Variants in RANGAP1 observed in about 807,000 individuals in gnomAD.
RANGAP1 encodes the protein Ran GTPase activating protein 1, also known as ran GTPase-activating protein 1.
RANGAP1 carries 38 observed loss-of-function variants against 63.5 expected under a neutral mutation model. The ratio of observed to expected loss-of-function variants is 0.60; its 90% CI spans 0.46 to 0.78. RANGAP1 has a LOEUF of 0.78. Ranked by LOEUF, RANGAP1 falls within the 30% of genes least tolerant of loss-of-function variation. The pLI is 0.00. For missense variants in RANGAP1, 630 were observed against 740.3 expected (o/e 0.85, Z 1.73); for synonymous variants, 329 against 310.5 (o/e 1.06, Z -0.63).
At position 41,280,850 on chromosome 22, in the gene RANGAP1, G is replaced by T. The variant is rs1010684650; in HGVS notation, c.112+83C>A. 6 of 1,588,898 alleles carry T rather than the reference G, an allele frequency of 3.8e-6. No homozygotes were observed. In the African/African-American group the frequency reaches 5.4e-5, roughly 14 times the overall value. On this transcript the variant is annotated intron_variant, in intron 2 of 15. Transcript: ENST00000356244. Reference sequence around the variant, plus strand: ...GACAAATAATGGAGACAATGTAGCAGAAAGAGCCTGACAACCAGTAAGAGT... The same window carrying T: ...GACAAATAATGGAGACAATGTAGCATAAAGAGCCTGACAACCAGTAAGAGT...
At chr22:41,254,758 G>T (rs1375830316) in intron 10 of RANGAP1, 9 of 508,128 alleles carry the variant, frequency 1.8e-5, no homozygotes, top group African/African-American at 2.1e-5. Context: ...GGATCATGAG[G>T]TCAGGAGATC....
rs761024189 is a variant in RANGAP1 at position 41,251,102 on chromosome 22, G to T, written c.1388C>A (p.Thr463Lys). 1 of 1,613,520 alleles carries T rather than the reference G, an allele frequency of 6.2e-7. No individual in the cohort carries two copies. Among genetic ancestry groups the T allele is most frequent in the Admixed American group, 1.7e-5 (1 of 59,928 alleles). Residue 463 changes from threonine to lysine, a missense_variant, in exon 13 of 16, where the codon ACG (threonine) becomes AAG (lysine). Physicochemically the swap from Thr to Lys is moderately conservative, Grantham distance 78 (BLOSUM62 -1). This residue lies in a region of RANGAP1 where 428 missense variants were observed against 465.5 expected (regional missense o/e 0.92). Transcript: ENST00000356244. ...AGAGACCACCTTCTCGGGGTCAGAC[G>T]TGTCAGTCTGAGGACAAAAGAGACA... ...SSVLIAQQTDTSDPEKVVSAF... is the reference protein window; with the variant it reads ...SSVLIAQQTDKSDPEKVVSAF...
intron 3 of RANGAP1, among the ~76,000 whole-genome samples, chr22:41,269,683 G>A (rs2034681147): frequency 6.7e-6 from 1 of 150,276 alleles, no homozygotes; most frequent in Non-Finnish European, 1.5e-5. Context: ...CAGAGGTTGT[G>A]CTGAGCTGAA....
At chr22:41,275,598 G>C (rs1823327744) in intron 2 of RANGAP1, among the ~76,000 whole-genome samples, 1 of 151,826 alleles carries the variant, frequency 6.6e-6, no homozygotes, top group African/African-American at 2.4e-5. Flanking sequence ...GACCAATATA[G>C]TGAAACCCCA....
chr22:41,250,178 T>C (rs954278753), intron 13 of RANGAP1, among the ~76,000 whole-genome samples: 16 of 152,212 alleles, frequency 1.1e-4, no homozygotes, highest in African/African-American at 3.9e-4. Flanking sequence ...GGTGAGGGGA[T>C]GTGCAGGGAC....
chr22:41,252,963 G>T lies in RANGAP1; in HGVS notation c.1289C>A (p.Pro430His). 1 of 1,538,416 alleles carries T rather than the reference G, an allele frequency of 6.5e-7. No individual in the cohort carries two copies. Among genetic ancestry groups the T allele is most frequent in the Non-Finnish European group, 8.7e-7 (1 of 1,145,668 alleles). ...GEPAPVLSSP[P>H]PADVSTFLAF... ...CAGGAAGGTGGAGACGTCTGCAGGA[G>T]GTGGGGAGGACAGCACGGGAGCTGG... The change falls in exon 12 of 16, where the codon CCT becomes CAT. Residue 430 changes from proline (P) to histidine (H), a missense_variant. Pro to His is a moderately conservative substitution (Grantham distance 77). Coordinates refer to ENST00000356244, the MANE Select transcript of RANGAP1 (RefSeq NM_002883.4).
Position 41,256,222 on chromosome 22 carries a change from G to A in RANGAP1, c.957C>T (p.Asp319=). The change falls in exon 9 of 16, where the codon GAC becomes GAT. Residue 319 remains aspartate (D), a synonymous_variant. Coordinates refer to ENST00000356244, the MANE Select transcript of RANGAP1 (RefSeq NM_002883.4). ...AALAVAEAMA[D]KAELEKLDLN... is the part of the protein sequence containing the mutation. ...GGTCCAGCTTCTCCAGCTCAGCTTT[G>A]TCTGCCATGGCCTCAGCAACAGCCA... is the stretch of plus-strand genomic sequence containing the variant. 1 of 1,614,124 alleles carries A rather than the reference G, an allele frequency of 6.2e-7. No homozygotes were observed. The highest frequency in any genetic ancestry group is 8.5e-7 in the Non-Finnish European group (1 of 1,180,018).
chr22:41,280,052 T>C (rs2035403781), intron 2 of RANGAP1, among the ~76,000 whole-genome samples: 1 of 151,822 alleles, frequency 6.6e-6, no homozygotes, highest in Admixed American at 6.6e-5. Flanking sequence ...TGAGCTGAGA[T>C]CGTGCCACTG....
rs2229755 is a variant in RANGAP1 at position 41,254,367 on chromosome 22, G to C, written c.1201C>G (p.Arg401Gly). Reference protein sequence around the residue: ...EEEEEEEPQQRGQGEKSATPS... With the variant: ...EEEEEEEPQQGGQGEKSATPS... ...GTGGCTGACTTCTCTCCCTGCCCTCGCTGCTGAGGCTCTTCTTCCTCCTCC... is the reference window on the plus strand; with the variant it reads ...GTGGCTGACTTCTCTCCCTGCCCTCCCTGCTGAGGCTCTTCTTCCTCCTCC... The change falls in exon 11 of 16, where the codon CGA becomes GGA. Residue 401 changes from arginine (R) to glycine (G), a missense_variant. By Grantham distance (125) the Arg-to-Gly change is moderately radical. Coordinates refer to ENST00000356244, the MANE Select transcript of RANGAP1 (RefSeq NM_002883.4). The C allele has an allele frequency of 2.8e-3, 4,536 of 1,613,920 alleles. 109 individuals carry two copies. The African/African-American group carries it at 0.052, about 19-fold the overall frequency.
rs541248133 is a variant in RANGAP1 at position 41,249,557 on chromosome 22, C to A, written c.1573-106G>T. The A allele has an allele frequency of 4.5e-6, 7 of 1,565,062 alleles. No homozygotes were observed. The East Asian group carries it at 1.4e-4, about 31-fold the overall frequency. ...TGATAGTGCCCACAACTGAGTCTAG[C>A]CGGAATCTCATCGTGAAGACCAAGG... On this transcript the variant is annotated intron_variant, in intron 14 of 15. Coordinates refer to ENST00000356244, the MANE Select transcript of RANGAP1 (RefSeq NM_002883.4).
intron 3 of RANGAP1, among the ~76,000 whole-genome samples, chr22:41,270,357 CT>C (rs1161477065): frequency 2.6e-5 from 4 of 152,176 alleles, no homozygotes; most frequent in African/African-American, 9.7e-5. Context: ...GTTGGCCAGG[CT>C]GGTCTTGAAC....
intron 15 of RANGAP1, among the ~76,000 whole-genome samples, chr22:41,248,198 T>C (rs1276576924): frequency 1.3e-4 from 2 of 15,948 alleles, no homozygotes; most frequent in African/African-American, 4.8e-4. Context: ...TGGGGTGGGG[T>C]GGGGTCGGGG....
the RANGAP1 span, among the ~76,000 whole-genome samples, chr22:41,300,338 G>A: frequency 4.0e-5 from 6 of 149,764 alleles, no homozygotes; most frequent in Non-Finnish European, 1.5e-5. Context: ...CATCCTCATC[G>A]ATGAAATGAG....
At chr22:41,291,267 A>T in the RANGAP1 span, among the ~76,000 whole-genome samples, 1 of 152,204 alleles carries the variant, frequency 6.6e-6, no homozygotes, top group Non-Finnish European at 1.5e-5. Flanking sequence ...ATTTCCCGGT[A>T]CCAAATGGTT....
chr22:41,293,952 C>T, the RANGAP1 span, among the ~76,000 whole-genome samples: 1 of 152,068 alleles, frequency 6.6e-6, no homozygotes, highest in African/African-American at 2.4e-5. Context: ...CATGAGCCAC[C>T]GTGCCTGGCC....
chr22:41,250,228 T>C (rs1306271578), intron 13 of RANGAP1, among the ~76,000 whole-genome samples: 2 of 152,230 alleles, frequency 1.3e-5, no homozygotes, highest in Non-Finnish European at 2.9e-5. Context: ...GGGCAACTTG[T>C]TCCCAAAAAT....
rs1183904994 is a variant in RANGAP1, at chr22:41,286,164, A to G, written c.-217T>C. 6.6e-6 allele frequency: 1 copy of G among 152,376 alleles called. No homozygotes were observed. Among genetic ancestry groups the G allele is most frequent in the African/African-American group, 2.4e-5 (1 of 41,478 alleles). 9.4% of individuals were successfully genotyped at this position (152,376 alleles called of 1,614,324 possible). A position where few individuals can be genotyped will look rare whatever the true frequency, so the allele number is the denominator to read the frequency against. On this transcript the variant is annotated 5_prime_UTR_variant, in exon 1 of 16. Transcript: ENST00000356244. ...GCTCCCGGCCTCACGCGCTTCCAGC[A>G]CCACCTGCTCTCCGCACCGCGGCGG...
At chr22:41,272,030 T>G (rs1241827952) in intron 3 of RANGAP1, among the ~76,000 whole-genome samples, 2 of 152,204 alleles carry the variant, frequency 1.3e-5, no homozygotes, top group African/African-American at 4.8e-5. Flanking sequence ...GGACAACCTC[T>G]GAGGAAGAAG....
At chr22:41,293,616 A>C in the RANGAP1 span, among the ~76,000 whole-genome samples, 1 of 151,710 alleles carries the variant, frequency 6.6e-6, no homozygotes. Context: ...ATCTCTACTA[A>C]AACTACAAAA....
Sources: gnomAD v4.1 joint callset for allele counts (sites outside exome capture counted in the v4.1 genomes callset) on GRCh38, gnomAD v4.1.1 for gene constraint, gnomAD v4.1.1 regional missense constraint, MANE v1.5 for transcripts, NCBI Gene and HGNC (gene_info 2026-07-23, HGNC 2026-07-21) for gene names.